Variants in VPS54 observed in about 807,000 individuals in gnomAD.
The protein encoded by VPS54 is vacuolar protein sorting-associated protein 54.
In VPS54, 45 loss-of-function variants were observed where a neutral mutation model predicts 121.5. The ratio of observed to expected loss-of-function variants is 0.37; its 90% CI spans 0.29 to 0.47. The LOEUF is 0.47. VPS54 is among the 20% of genes least tolerant of loss of function. The pLI is 0.99. For missense variants in VPS54, 1,090 were observed against 1,131.4 expected, an observed-to-expected ratio of 0.96 and a Z score of 0.52; for synonymous variants, 371 against 385.8, an observed-to-expected ratio of 0.96 and a Z score of 0.45.
chr2:63,982,606 G>C (rs867813157), intron 2 of VPS54, among the ~76,000 whole-genome samples: 1 of 152,156 alleles, frequency 6.6e-6, no homozygotes, highest in Non-Finnish European at 1.5e-5. Flanking sequence ...CACCGAACTT[G>C]TGGCTAACAG....
intron 3 of VPS54, among the ~76,000 whole-genome samples, chr2:63,974,793 G>A (rs2104594145): frequency 6.6e-6 from 1 of 152,224 alleles, no homozygotes; most frequent in East Asian, 1.9e-4. Flanking sequence ...TATCTTGCAA[G>A]CTTACTATAG....
Position 63,972,225 on chromosome 2 carries a change from C to A in VPS54, c.398G>T (p.Arg133Ile). The change falls in exon 4 of 23, where the codon AGA becomes ATA. Residue 133 changes from arginine (R) to isoleucine (I), a missense_variant. By Grantham distance (97) the Arg-to-Ile change is moderately conservative. Coordinates refer to ENST00000272322, the MANE Select transcript of VPS54 (RefSeq NM_016516.3). ...EISQREKIHE[R>I]CKNICPPKDT... ...TTTAGGAGGACAAATATTCTTGCAT[C>A]TCTCATGAATCTTCTCTCTCTAATA... 1 of 1,593,184 alleles carries A rather than the reference C, an allele frequency of 6.3e-7. No homozygotes were observed. The highest frequency in any genetic ancestry group is 1.1e-5 in the South Asian group (1 of 87,932).
At chr2:63,986,334 C>T (rs1187012963) in intron 1 of VPS54, among the ~76,000 whole-genome samples, 2 of 152,240 alleles carry the variant, frequency 1.3e-5, no homozygotes, top group East Asian at 3.9e-4. Flanking sequence ...CAATTATTTT[C>T]ATTTTTAGCT....
chr2:63,957,441 C>CAA lies in VPS54; in HGVS notation c.1010+4615_1010+4616dup, dbSNP rs10551633. Among the ~76,000 whole-genome samples, 268 of 90,110 alleles carry CAA rather than the reference C, an allele frequency of 3.0e-3. 1 individual carries two copies. The highest frequency in any genetic ancestry group is 9.4e-3 in the African/African-American group (233 of 24,828). The allele number at this position is 90,110 out of a possible 152,430, so 59.1% of individuals were successfully genotyped here. A position where few individuals can be genotyped will look rare whatever the true frequency, so the allele number is the denominator to read the frequency against. On this transcript the variant is annotated intron_variant, in intron 7 of 22. Transcript: ENST00000272322. ...TGGGCAACAGAGCAAGACTCCATCT[C>CAA]AAAAAAAAAAAAAAAAAAAATTTAT...
Position 63,984,038 on chromosome 2 carries a change from T to C in VPS54, c.-20-19A>G. 1 of 1,570,260 alleles carries C rather than the reference T, an allele frequency of 6.4e-7. No individual in the cohort carries two copies. The highest frequency in any genetic ancestry group is 8.7e-7 in the Non-Finnish European group (1 of 1,152,620). ...CACTCAACTGAAAATGAGTAAGAAA[T>C]ACTAATTAAGACACCGCAAATCAAA... On this transcript the variant is annotated intron_variant, in intron 1 of 22. Coordinates refer to ENST00000272322, the MANE Select transcript of VPS54 (RefSeq NM_016516.3).
At chr2:63,916,757 C>T (rs1323875236) in intron 16 of VPS54, 143 bp downstream of exon 16, 3 of 726,260 alleles carry the variant, frequency 4.1e-6, no homozygotes, top group Admixed American at 5.2e-5. Context: ...CCTTTAAGTT[C>T]TTTGCAGGAT....
intron 1 of VPS54, among the ~76,000 whole-genome samples, chr2:64,008,349 G>A (rs1180869805): frequency 6.6e-6 from 1 of 151,746 alleles, no homozygotes; most frequent in East Asian, 1.9e-4. Flanking sequence ...GGGAGGCAGA[G>A]GTTGCAATGA....
At chr2:63,976,362 A>C (rs940073578) in intron 3 of VPS54, among the ~76,000 whole-genome samples, 2 of 151,484 alleles carry the variant, frequency 1.3e-5, no homozygotes, top group African/African-American at 2.4e-5. Flanking sequence ...AAAAAAAAAA[A>C]AACAAAAAAC....
At chr2:63,904,276 TA>T (rs1672810749) in intron 20 of VPS54, among the ~76,000 whole-genome samples, 2 of 151,590 alleles carry the variant, frequency 1.3e-5, no homozygotes, top group South Asian at 4.2e-4. Context: ...GCACATCTAC[TA>T]AAAATACAAA....
chr2:63,909,221 C>G (rs995613891), intron 20 of VPS54, among the ~76,000 whole-genome samples: 1 of 152,052 alleles, frequency 6.6e-6, no homozygotes, highest in Non-Finnish European at 1.5e-5. Flanking sequence ...AAATATTTTG[C>G]TATTGGAGGA....
chr2:63,969,193 T>C (rs1039336670), intron 4 of VPS54, among the ~76,000 whole-genome samples: 19 of 152,286 alleles, frequency 1.2e-4, no homozygotes, highest in South Asian at 4.1e-4. Flanking sequence ...CAGGTAATTG[T>C]AATCAATTAT....
intron 12 of VPS54, among the ~76,000 whole-genome samples, chr2:63,925,024 A>C (rs1360196318): frequency 6.6e-6 from 1 of 152,246 alleles, no homozygotes; most frequent in Admixed American, 6.5e-5. Context: ...AACAGGACAC[A>C]AAGAAGCATA....
At chr2:63,950,662 G>T (rs1675197491) in intron 7 of VPS54, among the ~76,000 whole-genome samples, 2 of 152,254 alleles carry the variant, frequency 1.3e-5, no homozygotes, top group South Asian at 4.1e-4. Flanking sequence ...TTATAGATAA[G>T]GGCAGTCCTG....
intron 5 of VPS54, 67 bp downstream of exon 5, chr2:63,968,890 C>G: frequency 1.5e-6 from 2 of 1,314,656 alleles, no homozygotes; most frequent in Non-Finnish European, 2.1e-6. Flanking sequence ...CAAATGAAAT[C>G]TGCTTGTAAG....
intron 12 of VPS54, among the ~76,000 whole-genome samples, chr2:63,932,338 T>C (rs1209225081): frequency 6.6e-6 from 1 of 152,116 alleles, no homozygotes; most frequent in Non-Finnish European, 1.5e-5. Context: ...TAAAAAAGGA[T>C]GAGTTCATGT....
chr2:63,998,542 G>T (rs1477123508), intron 1 of VPS54, among the ~76,000 whole-genome samples: 1 of 151,750 alleles, frequency 6.6e-6, no homozygotes, highest in Non-Finnish European at 1.5e-5. Flanking sequence ...TAATGTCTTG[G>T]TTTCTTAATT....
chr2:63,939,064 A>C (rs1310509403), intron 11 of VPS54, among the ~76,000 whole-genome samples: 1 of 152,220 alleles, frequency 6.6e-6, no homozygotes, highest in African/African-American at 2.4e-5. Flanking sequence ...AATACTATTG[A>C]AATATTCTGG....
chr2:63,905,226 A>ATTT (rs1416190600), intron 20 of VPS54, among the ~76,000 whole-genome samples: 1 of 152,198 alleles, frequency 6.6e-6, no homozygotes, highest in African/African-American at 2.4e-5. Context: ...GAAAATAAAA[A>ATTT]GCAGAAAAAG....
chr2:63,917,135 G>T (rs1015953072), intron 15 of VPS54, among the ~76,000 whole-genome samples, 172 bp from the exon 16 acceptor site: 13 of 152,084 alleles, frequency 8.5e-5, no homozygotes, highest in Non-Finnish European at 1.8e-4. Context: ...CTGGAAGTTG[G>T]AGAGATTTGG....
Sources: gnomAD v4.1 joint callset for allele counts (sites outside exome capture counted in the v4.1 genomes callset) on GRCh38, gnomAD v4.1.1 for gene constraint, MANE v1.5 for transcripts, NCBI Gene and HGNC (gene_info 2026-07-23, HGNC 2026-07-21) for gene names.